The following CCSER1 variants were observed in gnomAD, a reference collection of about 807,000 sequenced individuals.
CCSER1 encodes coiled-coil serine rich protein 1.
Under a neutral mutation model 82.0 loss-of-function variants are expected in CCSER1, and 41 were observed. The observed-to-expected ratio is 0.50, with a 90% CI of 0.39 to 0.65. The LOEUF is 0.65. CCSER1 is among the 30% of genes least tolerant of loss of function. CCSER1 has a pLI of 0.00. For missense variants in CCSER1, 1,119 were observed against 1,064.2 expected (o/e 1.05, Z -0.72); for synonymous variants, 414 against 383.9 (o/e 1.08, Z -0.92).
chr4:90,716,225 C>T (rs1448516107), intron 6 of CCSER1, among the ~76,000 whole-genome samples: 1 of 151,738 alleles, frequency 6.6e-6, no homozygotes, highest in Non-Finnish European at 1.5e-5. Context: ...GACATTATTT[C>T]TGGAAAAATA....
chr4:91,348,570 G>C (rs143744530), intron 10 of CCSER1, among the ~76,000 whole-genome samples: 331 of 152,192 alleles, frequency 2.2e-3, no homozygotes, highest in African/African-American at 7.4e-3. Flanking sequence ...TTAAATTATT[G>C]GTAGAATTCA....
chr4:91,112,923 AAAT>A (rs1247646976), intron 10 of CCSER1: 4 of 152,206 alleles, frequency 2.6e-5, no homozygotes. Context: ...ACCATTTTAG[AAAT>A]ATCCAAATTT....
chr4:90,159,915 A>C (rs1267014351), intron 1 of CCSER1, among the ~76,000 whole-genome samples: 1 of 152,246 alleles, frequency 6.6e-6, no homozygotes, highest in Non-Finnish European at 1.5e-5. Context: ...AAGTATAATT[A>C]AAATCATAGT....
intron 10 of CCSER1, among the ~76,000 whole-genome samples, chr4:91,089,379 T>C (rs938643367): frequency 6.6e-6 from 1 of 152,238 alleles, no homozygotes; most frequent in African/African-American, 2.4e-5. Context: ...GTCTGGTGCC[T>C]GGCTCTGGGC....
At chr4:91,140,696 T>C (rs1355905331) in intron 10 of CCSER1, among the ~76,000 whole-genome samples, 2 of 152,222 alleles carry the variant, frequency 1.3e-5, no homozygotes, top group East Asian at 3.8e-4. Flanking sequence ...ATCATGTTTT[T>C]TCACTGATTG....
chr4:90,773,037 T>C (rs113025977), intron 7 of CCSER1, among the ~76,000 whole-genome samples: 24,078 of 151,924 alleles, frequency 0.16, 3,351 homozygotes, highest in African/African-American at 0.38. Flanking sequence ...GGTCGGGAGT[T>C]CGAGACCAGC....
chr4:91,176,606 T>G (rs2149016702), intron 10 of CCSER1, among the ~76,000 whole-genome samples: 1 of 151,732 alleles, frequency 6.6e-6, no homozygotes, highest in Middle Eastern at 3.4e-3. Flanking sequence ...TCACTCATGA[T>G]TTGGCTCTCT....
intron 10 of CCSER1, among the ~76,000 whole-genome samples, chr4:91,394,926 T>C (rs1284159915): frequency 6.6e-6 from 1 of 151,930 alleles, no homozygotes; most frequent in African/African-American, 2.4e-5. Context: ...TTAAGAAAGC[T>C]ATATATTAAG....
At chr4:90,717,722 G>A (rs1467786445) in intron 6 of CCSER1, among the ~76,000 whole-genome samples, 1 of 118,382 alleles carries the variant, frequency 8.4e-6, no homozygotes, top group Non-Finnish European at 1.8e-5. Flanking sequence ...ATATGTATGT[G>A]TGTTTATATA....
chr4:90,851,141 A>C (rs1378487735), intron 8 of CCSER1, among the ~76,000 whole-genome samples: 2 of 152,200 alleles, frequency 1.3e-5, no homozygotes, highest in African/African-American at 2.4e-5. Flanking sequence ...CTCCCTAGGC[A>C]TGTGAAACTG....
chr4:90,976,841 T>C (rs1472664625), intron 9 of CCSER1, among the ~76,000 whole-genome samples: 1 of 151,688 alleles, frequency 6.6e-6, no homozygotes, highest in Non-Finnish European at 1.5e-5. Flanking sequence ...TTTCCATGAC[T>C]ATTCCTCTGT....
At chr4:90,975,078 G>A (rs1735483284) in intron 9 of CCSER1, among the ~76,000 whole-genome samples, 1 of 151,162 alleles carries the variant, frequency 6.6e-6, no homozygotes, top group Non-Finnish European at 1.5e-5. Flanking sequence ...GATCTACCTT[G>A]GAAAATATAT....
rs192583252 is a variant in CCSER1, at chr4:91,519,098, T to G, written c.2218-79474T>G. ...CCTTGGAGAAATGCTGAGCCACTTC[T>G]GAAGTATCCAGGTGGGGGCAGGGTA... On this transcript the variant is annotated intron_variant, in intron 10 of 10. Transcript: ENST00000509176. Among the ~76,000 whole-genome samples the G allele has an allele frequency of 3.6e-3, 551 of 152,346 alleles. 2 individuals carry two copies. The highest frequency in any genetic ancestry group is 4.3e-3 in the Non-Finnish European group (291 of 68,034).
intron 9 of CCSER1, among the ~76,000 whole-genome samples, chr4:90,988,431 AT>A (rs1475712898): frequency 2.1e-5 from 3 of 145,878 alleles, no homozygotes; most frequent in Admixed American, 6.8e-5. Flanking sequence ...CATAATGTTG[AT>A]TTTTTTGTTC....
At chr4:90,152,298 G>GA (rs1727013250) in intron 1 of CCSER1, among the ~76,000 whole-genome samples, 2 of 152,168 alleles carry the variant, frequency 1.3e-5, no homozygotes, top group South Asian at 4.1e-4. Context: ...AGTATTTCAA[G>GA]AAAGTGTTCT....
At chr4:91,073,826 A>G (rs1721681214) in intron 9 of CCSER1, among the ~76,000 whole-genome samples, 1 of 152,164 alleles carries the variant, frequency 6.6e-6, no homozygotes. Flanking sequence ...ACCTGTCTTA[A>G]AATTAAAACA....
At chr4:90,373,335 C>T (rs1747770924) in intron 3 of CCSER1, among the ~76,000 whole-genome samples, 1 of 151,978 alleles carries the variant, frequency 6.6e-6, no homozygotes, top group Non-Finnish European at 1.5e-5. Context: ...GCTTTATGGA[C>T]TAAAAAATCA....
intron 5 of CCSER1, among the ~76,000 whole-genome samples, chr4:90,531,452 A>G (rs1017319528): frequency 2.7e-5 from 4 of 148,284 alleles, no homozygotes; most frequent in East Asian, 4.0e-4. Context: ...GTTACTCACC[A>G]GGTGTATTTT....
At position 91,594,329 on chromosome 4, in the gene CCSER1, G is replaced by GTACACACATATATATACATATATA. The variant is rs1342369071; in HGVS notation, c.2218-4236_2218-4213dup. On this transcript the variant is annotated intron_variant, in intron 10 of 10. Transcript: ENST00000509176. ...TGTATATGTGTATATATACATATAT[G>GTACACACATATATATACATATATA]TACACACATATATATACATATATAT... 2.1e-5 allele frequency among the ~76,000 whole-genome samples: 3 copies of GTACACACATATATATACATATATA among 145,614 alleles called. No homozygotes were observed. The East Asian group carries it at 6.0e-4, about 29-fold the overall frequency.
Sources: allele counts gnomAD v4.1 joint callset (sites outside exome capture counted in the v4.1 genomes callset), GRCh38; gene constraint gnomAD v4.1.1; transcripts MANE v1.5; gene names NCBI Gene and HGNC (gene_info 2026-07-23, HGNC 2026-07-21).